The following LRRC4C variants were observed in gnomAD, a reference collection of about 807,000 sequenced individuals.
LRRC4C encodes the protein leucine-rich repeat-containing protein 4C.
A neutral mutation model predicts 33.6 loss-of-function variants in LRRC4C; 5 were observed. The ratio of observed to expected loss-of-function variants is 0.15; its 90% CI spans 0.08 to 0.31. The LOEUF is 0.31. Among genes scored for constraint, LRRC4C ranks in the 10% least tolerant of loss-of-function variants. The probability of loss-of-function intolerance (pLI) is 1.00; values close to 1 mark genes in which losing one functional copy is unlikely to be tolerated. For synonymous variants in LRRC4C, 329 were observed against 302.0 expected (o/e 1.09, Z -0.93); for missense variants, 560 against 796.7 (o/e 0.70, Z 3.58).
chr11:40,154,531 C>T (rs1198602636), intron 5 of LRRC4C, among the ~76,000 whole-genome samples: 1 of 152,016 alleles, frequency 6.6e-6, no homozygotes, highest in Non-Finnish European at 1.5e-5. Context: ...CAAATGAACA[C>T]CAAAAGTGAG....
chr11:41,380,339 G>T (rs1446165472), intron 1 of LRRC4C, among the ~76,000 whole-genome samples: 1 of 152,022 alleles, frequency 6.6e-6, no homozygotes. Context: ...TTTGTTTATT[G>T]ATTAATTACA....
intron 3 of LRRC4C, among the ~76,000 whole-genome samples, chr11:40,566,266 C>T (rs1352503365): frequency 3.3e-5 from 5 of 151,480 alleles, no homozygotes; most frequent in Non-Finnish European, 7.4e-5. Flanking sequence ...CTGCATATCA[C>T]CCTTAAATAT....
intron 3 of LRRC4C, among the ~76,000 whole-genome samples, chr11:40,391,263 G>A (rs1195967051): frequency 2.6e-5 from 4 of 152,012 alleles, no homozygotes; most frequent in Non-Finnish European, 5.9e-5. Context: ...TACTCAGTAC[G>A]TAGTTGTTGA....
At chr11:41,341,825 A>C (rs545984254) in intron 1 of LRRC4C, among the ~76,000 whole-genome samples, 5 of 152,358 alleles carry the variant, frequency 3.3e-5, no homozygotes, top group African/African-American at 1.2e-4. Context: ...TCTTCTCAGC[A>C]GAGATATTTT....
chr11:40,736,645 T>C (rs1947881884), intron 2 of LRRC4C, among the ~76,000 whole-genome samples: 1 of 152,202 alleles, frequency 6.6e-6, no homozygotes, highest in East Asian at 1.9e-4. Context: ...GTAAAAGCGT[T>C]CCTACTTCTC....
intron 2 of LRRC4C, among the ~76,000 whole-genome samples, chr11:40,833,562 C>T (rs1392536603): frequency 6.6e-6 from 1 of 151,976 alleles, no homozygotes; most frequent in African/African-American, 2.4e-5. Flanking sequence ...CATTTCATTG[C>T]ACCCAAGGAC....
At chr11:41,458,939 A>G (rs191096727) in intron 1 of LRRC4C, among the ~76,000 whole-genome samples, 2 of 152,000 alleles carry the variant, frequency 1.3e-5, no homozygotes, top group Non-Finnish European at 2.9e-5. Flanking sequence ...GAGCAGATAT[A>G]ACTATTCAAG....
chr11:40,420,717 A>G (rs1335411996), intron 3 of LRRC4C, among the ~76,000 whole-genome samples: 3 of 152,214 alleles, frequency 2.0e-5, no homozygotes, highest in African/African-American at 7.2e-5. Context: ...CTTTATAGAT[A>G]TAGAAACTAT....
chr11:41,367,264 T>C (rs1485003650), intron 1 of LRRC4C, among the ~76,000 whole-genome samples: 4 of 152,170 alleles, frequency 2.6e-5, no homozygotes, highest in African/African-American at 9.7e-5. Context: ...CTTGTCTTTA[T>C]AGTGAGGTGT....
intron 1 of LRRC4C, among the ~76,000 whole-genome samples, chr11:41,105,853 C>T (rs1941461549): frequency 2.0e-5 from 3 of 152,056 alleles, no homozygotes; most frequent in Admixed American, 2.0e-4. Flanking sequence ...ATATGATATG[C>T]ATTTTATTAT....
chr11:40,803,690 G>A (rs1226403151), intron 2 of LRRC4C, among the ~76,000 whole-genome samples: 2 of 151,972 alleles, frequency 1.3e-5, no homozygotes, highest in Non-Finnish European at 2.9e-5. Flanking sequence ...TAAAAGGATG[G>A]TCTCGATCTC....
chr11:41,269,546 A>G (rs1437956113), intron 1 of LRRC4C, among the ~76,000 whole-genome samples: 1 of 152,106 alleles, frequency 6.6e-6, no homozygotes, highest in East Asian at 1.9e-4. Flanking sequence ...TCAGCCCTGG[A>G]CCACCAGGGA....
chr11:41,121,970 G>A (rs931366296), intron 1 of LRRC4C, among the ~76,000 whole-genome samples: 11 of 152,044 alleles, frequency 7.2e-5, no homozygotes, highest in African/African-American at 2.4e-4. Flanking sequence ...CACACAAATG[G>A]TAGGGGAATG....
intron 2 of LRRC4C, among the ~76,000 whole-genome samples, chr11:40,684,555 G>A (rs559850160): frequency 2.0e-5 from 3 of 152,010 alleles, no homozygotes; most frequent in South Asian, 2.1e-4. Context: ...TCTTGGCAGA[G>A]TAATAAACAA....
chr11:41,349,449 T>C (rs1951902498), intron 1 of LRRC4C, among the ~76,000 whole-genome samples: 1 of 151,518 alleles, frequency 6.6e-6, no homozygotes, highest in Non-Finnish European at 1.5e-5. Flanking sequence ...CTTAAGGGGC[T>C]GGAGGAAAAA....
chr11:41,159,582 C>T (rs1423842094), intron 1 of LRRC4C, among the ~76,000 whole-genome samples: 1 of 152,048 alleles, frequency 6.6e-6, no homozygotes. Flanking sequence ...TTGTGAAAGC[C>T]AATATTCACT....
At chr11:41,237,550 T>G (rs1948075118) in intron 1 of LRRC4C, among the ~76,000 whole-genome samples, 1 of 152,196 alleles carries the variant, frequency 6.6e-6, no homozygotes, top group African/African-American at 2.4e-5. Context: ...GACTATTTAC[T>G]TGGTAACTGG....
At chr11:40,691,047 A>G (rs1188760275) in intron 2 of LRRC4C, among the ~76,000 whole-genome samples, 1 of 152,056 alleles carries the variant, frequency 6.6e-6, no homozygotes, top group Non-Finnish European at 1.5e-5. Context: ...CTTCAACTTC[A>G]GCCATGCAGG....
At chr11:41,209,935 G>A (rs528797900) in intron 1 of LRRC4C, among the ~76,000 whole-genome samples, 3 of 152,050 alleles carry the variant, frequency 2.0e-5, no homozygotes, top group Non-Finnish European at 4.4e-5. Context: ...GATAGGACTC[G>A]TGTCACTGTA....
Sources: gnomAD v4.1 joint callset for allele counts (sites outside exome capture counted in the v4.1 genomes callset) on GRCh38, gnomAD v4.1.1 for gene constraint, MANE v1.5 for transcripts, NCBI Gene and HGNC (gene_info 2026-07-23, HGNC 2026-07-21) for gene names.